The following MSRA variants were observed in gnomAD, a reference collection of about 807,000 sequenced individuals.
MSRA encodes the protein methionine sulfoxide reductase A.
MSRA carries 54 observed loss-of-function variants against 31.3 expected under a neutral mutation model. That is an observed-to-expected ratio of 1.73 (90% CI 1.39 to 2.17). MSRA has a LOEUF of 2.17. Among genes scored for constraint, MSRA ranks in the 30% most tolerant of loss-of-function variants. MSRA has a pLI of 0.00. For synonymous variants in MSRA, 169 were observed against 116.5 expected (o/e 1.45, Z -2.90); for missense variants, 507 against 300.9 (o/e 1.69, Z -5.07).
chr8:10,127,983 G>T (rs1252747841), intron 1 of MSRA, among the ~76,000 whole-genome samples: 2 of 152,128 alleles, frequency 1.3e-5, no homozygotes, highest in Non-Finnish European at 2.9e-5. Context: ...ACTGGGGCAA[G>T]TTGTGGACCC....
At chr8:10,249,119 A>G (rs1280165954) in intron 3 of MSRA, among the ~76,000 whole-genome samples, 2 of 146,008 alleles carry the variant, frequency 1.4e-5, no homozygotes, top group East Asian at 1.9e-4. Flanking sequence ...ATACCCTGGC[A>G]CTTTTAAGTT....
At chr8:10,289,435 A>G (rs1482527284) in intron 3 of MSRA, among the ~76,000 whole-genome samples, 1 of 152,040 alleles carries the variant, frequency 6.6e-6, no homozygotes, top group Non-Finnish European at 1.5e-5. Flanking sequence ...AGCTGTTTTG[A>G]TACAGGATGC....
At chr8:10,180,071 G>A (rs1172465111) in intron 1 of MSRA, among the ~76,000 whole-genome samples, 1 of 152,100 alleles carries the variant, frequency 6.6e-6, no homozygotes, top group East Asian at 1.9e-4. Context: ...CAGCTTAAGG[G>A]ACTCAGTCCT....
chr8:10,259,051 G>A (rs1351482155), intron 3 of MSRA, among the ~76,000 whole-genome samples: 2 of 151,240 alleles, frequency 1.3e-5, no homozygotes, highest in Non-Finnish European at 2.9e-5. Context: ...AGGTTGCCGT[G>A]AGCTGAGATC....
intron 1 of MSRA, among the ~76,000 whole-genome samples, chr8:10,116,828 G>A (rs554488468): frequency 3.6e-4 from 55 of 152,270 alleles, no homozygotes; most frequent in African/African-American, 1.2e-3. Flanking sequence ...GTAGTCGGGC[G>A]TGGTGGCAGA....
At chr8:10,166,397 CAT>C (rs148114339) in intron 1 of MSRA, among the ~76,000 whole-genome samples, 11,402 of 152,122 alleles carry the variant, frequency 0.075, 493 homozygotes, top group African/African-American at 0.12. Context: ...AGTGTGTGCT[CAT>C]ATGTGTGTAT....
chr8:10,322,328 G>T (rs992819995), intron 5 of MSRA, among the ~76,000 whole-genome samples: 1 of 142,740 alleles, frequency 7.0e-6, no homozygotes, highest in African/African-American at 2.5e-5. Context: ...GCTATTATAG[G>T]ATTCCGGGCC....
intron 4 of MSRA, among the ~76,000 whole-genome samples, chr8:10,319,588 A>T (rs1398883659): frequency 6.6e-6 from 1 of 151,792 alleles, no homozygotes; most frequent in Non-Finnish European, 1.5e-5. Flanking sequence ...TCGTTGTTTA[A>T]GTATTTCATG....
At chr8:10,113,236 A>G (rs1484011142) in intron 1 of MSRA, among the ~76,000 whole-genome samples, 5 of 134,872 alleles carry the variant, frequency 3.7e-5, no homozygotes, top group Non-Finnish European at 6.3e-5. Context: ...AGGAGGAAGC[A>G]GAGGGTGGAG....
intron 2 of MSRA, among the ~76,000 whole-genome samples, chr8:10,240,763 G>A (rs1251566154): frequency 1.3e-5 from 2 of 152,114 alleles, no homozygotes; most frequent in African/African-American, 4.8e-5. Flanking sequence ...TCTAGAGTAA[G>A]GCTGCAGTGG....
At chr8:10,374,944 C>T (rs1302949226) in intron 5 of MSRA, among the ~76,000 whole-genome samples, 1 of 152,138 alleles carries the variant, frequency 6.6e-6, no homozygotes, top group African/African-American at 2.4e-5. Flanking sequence ...GACCCTCCTC[C>T]TCTCTCTCTT....
chr8:10,281,145 G>T (rs1440885020), intron 3 of MSRA, among the ~76,000 whole-genome samples: 4 of 152,180 alleles, frequency 2.6e-5, no homozygotes, highest in Non-Finnish European at 5.9e-5. Flanking sequence ...TAGGTGGATT[G>T]TATAGTATGT....
At chr8:10,410,494 A>T (rs1226673771) in intron 5 of MSRA, among the ~76,000 whole-genome samples, 1 of 152,244 alleles carries the variant, frequency 6.6e-6, no homozygotes, top group Non-Finnish European at 1.5e-5. Flanking sequence ...CTCCTGAAAT[A>T]GAATCCATGT....
At chr8:10,383,051 C>T (rs1806170940) in intron 5 of MSRA, among the ~76,000 whole-genome samples, 1 of 152,180 alleles carries the variant, frequency 6.6e-6, no homozygotes, top group Admixed American at 6.5e-5. Context: ...CGGAAACAGG[C>T]ATGAGAGAAT....
intron 1 of MSRA, among the ~76,000 whole-genome samples, chr8:10,160,657 G>C (rs1804556231): frequency 6.6e-6 from 1 of 152,046 alleles, no homozygotes; most frequent in African/African-American, 2.4e-5. Flanking sequence ...AGCCTCCCGA[G>C]TAGCTGGGAT....
chr8:10,365,225 G>C (rs1046925862), intron 5 of MSRA, among the ~76,000 whole-genome samples: 1 of 149,476 alleles, frequency 6.7e-6, no homozygotes, highest in Admixed American at 6.7e-5. Context: ...TCTGAGCTCA[G>C]AGTACTGTTC....
intron 4 of MSRA, among the ~76,000 whole-genome samples, chr8:10,304,613 A>C (rs1801025719): frequency 6.6e-6 from 1 of 152,220 alleles, no homozygotes; most frequent in African/African-American, 2.4e-5. Context: ...GATGGACCAG[A>C]GGCAGGGGAG....
intron 5 of MSRA, among the ~76,000 whole-genome samples, chr8:10,375,086 A>G (rs1337582990): frequency 6.6e-6 from 1 of 152,208 alleles, no homozygotes; most frequent in Non-Finnish European, 1.5e-5. Context: ...ACCGTGAGCC[A>G]AAAAACCTAT....
chr8:10,136,721 G>A (rs1331873835), intron 1 of MSRA, among the ~76,000 whole-genome samples: 1 of 152,224 alleles, frequency 6.6e-6, no homozygotes, highest in Admixed American at 6.5e-5. Flanking sequence ...CAAGGCAGGA[G>A]CCCACTCGGG....
Sources: gnomAD v4.1 joint callset for allele counts (sites outside exome capture counted in the v4.1 genomes callset) on GRCh38, gnomAD v4.1.1 for gene constraint, MANE v1.5 for transcripts, NCBI Gene and HGNC (gene_info 2026-07-23, HGNC 2026-07-21) for gene names.